SH3RF3: variants seen among roughly 807,000 people sequenced by gnomAD.
SH3RF3 encodes E3 ubiquitin-protein ligase SH3RF3.
SH3RF3 carries 29 observed loss-of-function variants against 66.3 expected under a neutral mutation model. The ratio of observed to expected loss-of-function variants is 0.44; its 90% CI spans 0.33 to 0.60. SH3RF3 has a LOEUF of 0.60. Among genes scored for constraint, SH3RF3 ranks in the 20% least tolerant of loss-of-function variants. SH3RF3 has a pLI of 0.04. For missense variants in SH3RF3, 1,194 were observed against 1,190.9 expected (o/e 1.00, Z -0.04); for synonymous variants, 583 against 532.0 (o/e 1.10, Z -1.32).
At chr2:109,343,858 C>G (rs1297196663) in intron 1 of SH3RF3, among the ~76,000 whole-genome samples, 1 of 152,000 alleles carries the variant, frequency 6.6e-6, no homozygotes, top group Non-Finnish European at 1.5e-5. Flanking sequence ...AGTTTTCTTG[C>G]CTCAGCCTCC....
intron 1 of SH3RF3, among the ~76,000 whole-genome samples, chr2:109,251,015 T>A (rs940864650): frequency 9.2e-5 from 14 of 152,272 alleles, no homozygotes; most frequent in Admixed American, 3.3e-4. Flanking sequence ...TTATTTATTT[T>A]TTTTGAGATT....
At chr2:109,184,290 T>G (rs1678135949) in intron 1 of SH3RF3, among the ~76,000 whole-genome samples, 1 of 152,202 alleles carries the variant, frequency 6.6e-6, no homozygotes, top group Admixed American at 6.5e-5. Context: ...TCCTTCTCCC[T>G]TACTTCAAAT....
intron 1 of SH3RF3, among the ~76,000 whole-genome samples, chr2:109,215,716 C>T (rs116602880): frequency 0.011 from 1,607 of 152,292 alleles, 30 homozygotes; most frequent in African/African-American, 0.036. Flanking sequence ...GTGACTCACC[C>T]TGTGAACTGC....
At chr2:109,206,940 T>C (rs558795138) in intron 1 of SH3RF3, among the ~76,000 whole-genome samples, 2 of 152,232 alleles carry the variant, frequency 1.3e-5, no homozygotes, top group South Asian at 2.1e-4. Flanking sequence ...CTCTGTGTCA[T>C]GTGTGGCTTG....
At chr2:109,251,940 A>G (rs867502447) in intron 1 of SH3RF3, among the ~76,000 whole-genome samples, 3 of 152,150 alleles carry the variant, frequency 2.0e-5, no homozygotes, top group Non-Finnish European at 4.4e-5. Context: ...GTACCCCCCA[A>G]ATAAAACAAG....
chr2:109,235,862 A>G (rs1679634953), intron 1 of SH3RF3, among the ~76,000 whole-genome samples: 1 of 152,180 alleles, frequency 6.6e-6, no homozygotes, highest in Admixed American at 6.5e-5. Flanking sequence ...AAAACCTCTT[A>G]ACCCTGCCAA....
intron 4 of SH3RF3, among the ~76,000 whole-genome samples, chr2:109,402,136 A>G (rs1676332614): frequency 1.3e-5 from 2 of 152,190 alleles, no homozygotes; most frequent in Admixed American, 6.5e-5. Context: ...GTGTGCTGCT[A>G]TGGTCTGGAT....
chr2:109,129,738 C>A lies in SH3RF3; in HGVS notation c.198C>A (p.Thr66=), dbSNP rs1386540546. ...ECSVCLERLD[T]TAKVLPCQHT... ...CCGTGTGTCTGGAGCGCCTGGACAC[C>A]ACGGCCAAGGTGCTGCCATGCCAAC... The change falls in exon 1 of 10, where the codon ACC becomes ACA. Residue 66 remains threonine (T), a synonymous_variant. Coordinates refer to ENST00000309415, the MANE Select transcript of SH3RF3 (RefSeq NM_001099289.3). The A allele has an allele frequency of 1.3e-6, 2 of 1,539,118 alleles. No homozygotes were observed. Among genetic ancestry groups the A allele is most frequent in the Non-Finnish European group, 1.7e-6 (2 of 1,145,246 alleles).
chr2:109,213,229 C>T (rs988772758), intron 1 of SH3RF3, among the ~76,000 whole-genome samples: 1 of 152,170 alleles, frequency 6.6e-6, no homozygotes, highest in Non-Finnish European at 1.5e-5. Context: ...CCCAGGGCTG[C>T]TTCTGAGCTC....
At chr2:109,258,385 G>A (rs564245140) in intron 1 of SH3RF3, among the ~76,000 whole-genome samples, 1 of 152,308 alleles carries the variant, frequency 6.6e-6, no homozygotes, top group Admixed American at 6.5e-5. Context: ...GTGCAGCCGG[G>A]TTTTCTGCAG....
At chr2:109,282,322 GT>G (rs1284952746) in intron 1 of SH3RF3, among the ~76,000 whole-genome samples, 1 of 152,122 alleles carries the variant, frequency 6.6e-6, no homozygotes, top group Non-Finnish European at 1.5e-5. Flanking sequence ...GGTGCAAGTT[GT>G]CTGCATTTTC....
intron 8 of SH3RF3, among the ~76,000 whole-genome samples, chr2:109,485,715 G>A (rs932674767): frequency 6.6e-6 from 1 of 152,280 alleles, no homozygotes; most frequent in African/African-American, 2.4e-5. Flanking sequence ...GGCTGTGTGT[G>A]TGACTGTGAG....
rs542290654 is a variant in SH3RF3 at position 109,375,883 on chromosome 2, C to T, written c.945+4202C>T. Among the ~76,000 whole-genome samples the T allele has an allele frequency of 2.1e-3, 327 of 152,342 alleles. 1 individual carries two copies. Among genetic ancestry groups the T allele is most frequent in the African/African-American group, 7.5e-3 (311 of 41,584 alleles). ...AGCCCATGGGCAGTTCAGGGCGATGCGGGCTTCAGAGCAGACCTGGCTGGG... is the reference window on the plus strand; with the variant it reads ...AGCCCATGGGCAGTTCAGGGCGATGTGGGCTTCAGAGCAGACCTGGCTGGG... On this transcript the variant is annotated intron_variant, in intron 3 of 9. Coordinates refer to ENST00000309415, the MANE Select transcript of SH3RF3 (RefSeq NM_001099289.3).
intron 1 of SH3RF3, among the ~76,000 whole-genome samples, chr2:109,307,500 G>A (rs1183827702): frequency 6.7e-6 from 1 of 149,010 alleles, no homozygotes; most frequent in African/African-American, 2.5e-5. Context: ...GTATACATGT[G>A]CCATGCTGGT....
intron 1 of SH3RF3, among the ~76,000 whole-genome samples, chr2:109,140,515 G>A (rs943436446): frequency 1.3e-5 from 2 of 151,894 alleles, no homozygotes; most frequent in African/African-American, 4.8e-5. Flanking sequence ...CGAGTAGCTG[G>A]GACTACAGGC....
chr2:109,250,468 G>T (rs1407275786), intron 1 of SH3RF3, among the ~76,000 whole-genome samples: 1 of 151,716 alleles, frequency 6.6e-6, no homozygotes, highest in Non-Finnish European at 1.5e-5. Context: ...AACTTACCAG[G>T]TTTAAATATT....
At chr2:109,323,943 C>G (rs1480747818) in intron 1 of SH3RF3, among the ~76,000 whole-genome samples, 1 of 152,164 alleles carries the variant, frequency 6.6e-6, no homozygotes. Context: ...AAAAGAAATG[C>G]CATACCTATC....
Position 109,405,122 on chromosome 2 carries a change from C to T in SH3RF3, c.1299+6179C>T, listed in dbSNP as rs983787184. On this transcript the variant is annotated intron_variant, in intron 4 of 9. Coordinates refer to ENST00000309415, the MANE Select transcript of SH3RF3 (RefSeq NM_001099289.3). ...TGGGGGTTCACCCTCTCCAGAACCC[C>T]AGCCAACGTCACCTGCCAGCACCTC... 3.9e-5 allele frequency among the ~76,000 whole-genome samples: 6 copies of T among 152,072 alleles called. No homozygotes were observed. In the South Asian group the frequency reaches 1.0e-3, roughly 26 times the overall value.
chr2:109,473,479 C>T (rs1678582819), intron 8 of SH3RF3, among the ~76,000 whole-genome samples: 1 of 152,078 alleles, frequency 6.6e-6, no homozygotes, highest in Non-Finnish European at 1.5e-5. Context: ...TGTAAAATAG[C>T]AGATATAGGT....
Sources: allele counts gnomAD v4.1 joint callset (sites outside exome capture counted in the v4.1 genomes callset), GRCh38; gene constraint gnomAD v4.1.1; transcripts MANE v1.5; gene names NCBI Gene and HGNC (gene_info 2026-07-23, HGNC 2026-07-21).